GUCA1B: variants seen among roughly 807,000 people sequenced by gnomAD.
GUCA1B encodes guanylyl cyclase-activating protein 2.
In GUCA1B, 22 loss-of-function variants were observed where a neutral mutation model predicts 24.2. The ratio of observed to expected loss-of-function variants is 0.91; its 90% confidence interval spans 0.65 to 1.30. GUCA1B has a LOEUF of 1.30. GUCA1B is among the 50% of genes most tolerant of loss of function. The pLI, the probability that GUCA1B is intolerant of heterozygous loss-of-function variation, is 0.00. For missense variants in GUCA1B, 221 were observed against 258.8 expected, an observed-to-expected ratio of 0.85 and a Z score of 1.00; for synonymous variants, 100 against 97.9, an observed-to-expected ratio of 1.02 and a Z score of -0.13.
At chr6:42,189,946 AATCTGAGCT>A (rs1478509306) in intron 1 of GUCA1B, among the ~76,000 whole-genome samples, 1 of 152,066 alleles carries the variant, frequency 6.6e-6, no homozygotes, top group Non-Finnish European at 1.5e-5. Flanking sequence ...CCAAATCAAA[AATCTGAGCT>A]ATCAGATCCC....
chr6:42,185,806 G>A lies in GUCA1B; in HGVS notation c.358-9C>T, dbSNP rs754403815. The A allele has an allele frequency of 7.0e-6, 11 of 1,564,510 alleles. No individual in the cohort carries two copies. The South Asian group carries it at 1.2e-4, about 17-fold the overall frequency. On this transcript the variant is annotated splice_polypyrimidine_tract_variant and intron_variant, in intron 2 of 3. Coordinates refer to ENST00000230361, the MANE Select transcript of GUCA1B (RefSeq NM_002098.6). ...TTCAGCTGGTAAATTCCCTGCCAAA[G>A]AAAACTCAGCTGCATTGACGGGAGA...
chr6:42,188,929 C>CTATATCA (rs1562063739), intron 1 of GUCA1B, among the ~76,000 whole-genome samples, 198 bp from the exon 2 acceptor site: 1 of 134,060 alleles, frequency 7.5e-6, no homozygotes, highest in African/African-American at 3.9e-5. Flanking sequence ...CTCTCTCTCT[C>CTATATCA]TCTATCTGAC....
intron 1 of GUCA1B, among the ~76,000 whole-genome samples, chr6:42,193,210 A>T (rs190937115): frequency 6.6e-6 from 1 of 152,380 alleles, no homozygotes; most frequent in Admixed American, 6.5e-5. Context: ...ATGCCGATTT[A>T]TAAGAAGAGA....
intron 1 of GUCA1B, among the ~76,000 whole-genome samples, chr6:42,191,847 G>A (rs564701877): frequency 1.2e-4 from 19 of 152,216 alleles, no homozygotes; most frequent in African/African-American, 4.6e-4. Context: ...ATGATGAACC[G>A]AGGACACAAC....
rs1433088900 is a variant in GUCA1B at position 42,188,675 on chromosome 6, G to A, written c.264C>T (p.Gly88=). Residue 88 remains glycine, a synonymous_variant, in exon 2 of 4, where the codon GGC becomes GGT. Transcript: ENST00000230361. Reference sequence around the variant, plus strand: ...TCCACTTCAGCTTGTGCTCCAGGGTGCCCCTCAGCACGAGATTCAGAGCTG... The same window carrying A: ...TCCACTTCAGCTTGTGCTCCAGGGTACCCCTCAGCACGAGATTCAGAGCTG... ...YVAALNLVLR[G]TLEHKLKWTF... 1.2e-6 allele frequency: 2 copies of A among 1,613,676 alleles called. No homozygotes were observed. The highest frequency in any genetic ancestry group is 1.7e-6 in the Non-Finnish European group (2 of 1,179,738).
At position 42,194,792 on chromosome 6, in the gene GUCA1B, G is replaced by T; in HGVS notation, c.29C>A (p.Ala10Glu). 1 of 1,578,010 alleles carries T rather than the reference G, an allele frequency of 6.3e-7. No individual in the cohort carries two copies. The highest frequency in any genetic ancestry group is 8.6e-7 in the Non-Finnish European group (1 of 1,161,774). Residue 10 changes from alanine to glutamate, a missense_variant, in exon 1 of 4, where the codon GCG becomes GAG. By Grantham distance (107) the Ala-to-Glu change is moderately radical (BLOSUM62 -1). Coordinates refer to ENST00000230361, the MANE Select transcript of GUCA1B (RefSeq NM_002098.6). MGQEFSWEEAEAAGEIDVAE... is the reference protein window; with the variant it reads MGQEFSWEEEEAAGEIDVAE... ...CACATCTATCTCGCCAGCTGCCTCCGCCTCCTCCCAGCTAAACTCCTGCCC... is the reference window on the plus strand; with the variant it reads ...CACATCTATCTCGCCAGCTGCCTCCTCCTCCTCCCAGCTAAACTCCTGCCC...
chr6:42,188,774 C>A (rs754282176), intron 1 of GUCA1B, 43 bp from the exon 2 acceptor site: 24 of 1,584,614 alleles, frequency 1.5e-5, no homozygotes, highest in Non-Finnish European at 1.9e-5. Context: ...GCCCACCTCC[C>A]CAGAGCATAG....
intron 1 of GUCA1B, among the ~76,000 whole-genome samples, chr6:42,192,351 CTCAAAA>C: frequency 5.4e-5 from 1 of 18,598 alleles, no homozygotes. Flanking sequence ...GAGACTCCAA[CTCAAAA>C]AAAAAAAAAA....
At position 42,183,333 on chromosome 6, in the gene GUCA1B, A is replaced by G. The variant is rs1027634180; in HGVS notation, c.*1482T>C. On this transcript the variant is annotated 3_prime_UTR_variant, in exon 4 of 4. Coordinates refer to ENST00000230361, the MANE Select transcript of GUCA1B (RefSeq NM_002098.6). ...TTCTTATATACCAACATAAAAACCT[A>G]TCTATTCAAGGTAAAGCAAATGTTT... is the stretch of plus-strand genomic sequence containing the variant. Among the ~76,000 whole-genome samples the G allele has an allele frequency of 4.6e-5, 7 of 152,328 alleles. No homozygotes were observed. The highest frequency in any genetic ancestry group is 1.7e-4 in the African/African-American group (7 of 41,578).
At chr6:42,189,919 G>C (rs542767783) in intron 1 of GUCA1B, among the ~76,000 whole-genome samples, 4 of 152,172 alleles carry the variant, frequency 2.6e-5, no homozygotes, top group African/African-American at 7.2e-5. Flanking sequence ...TTATTCCAAG[G>C]TTGGGAACTC....
intron 1 of GUCA1B, among the ~76,000 whole-genome samples, chr6:42,189,668 A>T (rs1768268292): frequency 6.6e-6 from 1 of 152,198 alleles, no homozygotes; most frequent in African/African-American, 2.4e-5. Context: ...TCAGGTGCTA[A>T]TTGGGCAGAG....
intron 2 of GUCA1B, among the ~76,000 whole-genome samples, chr6:42,188,225 A>C (rs1213484595): frequency 6.6e-6 from 1 of 151,986 alleles, no homozygotes; most frequent in Non-Finnish European, 1.5e-5. Flanking sequence ...CTGCAGGTTC[A>C]GCTTTAGCTG....
intron 1 of GUCA1B, among the ~76,000 whole-genome samples, 158 bp from the exon 2 acceptor site, chr6:42,188,889 T>TACCTATC (rs1467741796): frequency 7.6e-6 from 1 of 130,904 alleles, no homozygotes; most frequent in African/African-American, 3.8e-5. Context: ...GAGAACATTC[T>TACCTATC]ATCTATCTAT....
Position 42,184,667 on chromosome 6 carries a change from C to G in GUCA1B, c.*148G>C. The G allele has an allele frequency of 1.2e-6, 1 of 845,840 alleles. No individual in the cohort carries two copies. The highest frequency in any genetic ancestry group is 1.8e-5 in the Admixed American group (1 of 56,630). The allele number at this position is 845,840 out of a possible 1,614,324, so 52.4% of individuals were successfully genotyped here. ...CTGTTGGCCACTTCAAACCCAGCAG[C>G]CCTTCCCCATCCCCACTCAGCCCTG... On this transcript the variant is annotated 3_prime_UTR_variant, in exon 4 of 4. Coordinates refer to ENST00000230361, the MANE Select transcript of GUCA1B (RefSeq NM_002098.6).
At chr6:42,194,282 G>A (rs539102065) in intron 1 of GUCA1B, among the ~76,000 whole-genome samples, 2 of 152,316 alleles carry the variant, frequency 1.3e-5, no homozygotes, top group East Asian at 1.9e-4. Context: ...CGGTCATTGG[G>A]CTGCAGAGTC....
rs1768162118 is a variant in GUCA1B at position 42,184,629 on chromosome 6, A to G, written c.*186T>C. ...TTCACCATCCCAGGGACTCCTCCAA[A>G]ATGGACTATGCCCTGTTGGCCACTT... On this transcript the variant is annotated 3_prime_UTR_variant, in exon 4 of 4. Coordinates refer to ENST00000230361, the MANE Select transcript of GUCA1B (RefSeq NM_002098.6). The G allele has an allele frequency of 1.4e-6, 1 of 689,884 alleles. No homozygotes were observed. The highest frequency in any genetic ancestry group is 2.0e-5 in the Admixed American group (1 of 48,938). 42.7% of individuals were successfully genotyped at this position (689,884 alleles called of 1,614,324 possible).
In GUCA1B at chr6:42,185,300, T is replaced by A. The variant is rs1020451042; in HGVS notation, c.476-358A>T. 5.5e-4 allele frequency among the ~76,000 whole-genome samples: 83 copies of A among 152,094 alleles called. 1 individual carries two copies. Among genetic ancestry groups the A allele is most frequent in the Non-Finnish European group, 2.1e-4 (14 of 68,026 alleles). On this transcript the variant is annotated intron_variant, in intron 3 of 3. Transcript: ENST00000230361. ...GGGAGGAAAGCCCAAGCAGCCTGAA[T>A]GGAGGTCTACCCTATGCCTGCTCTT...
intron 3 of GUCA1B, among the ~76,000 whole-genome samples, chr6:42,185,440 G>A (rs1047542635): frequency 6.6e-6 from 1 of 152,190 alleles, no homozygotes; most frequent in Admixed American, 6.5e-5. Context: ...TGACTCCAAA[G>A]TTCCTATTCT....
Position 42,194,843 on chromosome 6 carries a change from G to GCT in GUCA1B, c.-24_-23insAG. 1.3e-6 allele frequency: 2 copies of GCT among 1,520,620 alleles called. No homozygotes were observed. Among genetic ancestry groups the GCT allele is most frequent in the Non-Finnish European group, 1.8e-6 (2 of 1,119,976 alleles). 94.2% of individuals were successfully genotyped at this position (1,520,620 alleles called of 1,614,324 possible). A position where few individuals can be genotyped will look rare whatever the true frequency, so the allele number is the denominator to read the frequency against. Reference sequence around the variant, plus strand: ...CATGCTAGCCCTGAGGAGCATCAGGGAGCAAGGGTCTGTATCTCCTCCCTG... The same window carrying GCT: ...CATGCTAGCCCTGAGGAGCATCAGGGCTAGCAAGGGTCTGTATCTCCTCCCTG... On this transcript the variant is annotated 5_prime_UTR_variant, in exon 1 of 4. Transcript: ENST00000230361.
Sources: gnomAD v4.1 joint callset for allele counts (sites outside exome capture counted in the v4.1 genomes callset) on GRCh38, gnomAD v4.1.1 for gene constraint, MANE v1.5 for transcripts, NCBI Gene and HGNC (gene_info 2026-07-23, HGNC 2026-07-21) for gene names.